CFAP92: variants seen among roughly 807,000 people sequenced by gnomAD.
The protein encoded by CFAP92 is cilia and flagella associated protein 92 (putative).
In CFAP92, 86 loss-of-function variants were observed where a neutral mutation model predicts 106.3. The observed-to-expected ratio is 0.81, with a 90% CI of 0.68 to 0.97. The LOEUF (loss-of-function observed/expected upper bound fraction) is 0.97. Ranked by LOEUF, CFAP92 falls within the 50% of genes least tolerant of loss-of-function variation. CFAP92 has a pLI of 0.00. For synonymous variants in CFAP92, 477 were observed against 506.4 expected (o/e 0.94, Z 0.78); for missense variants, 1,204 against 1,283.8 (o/e 0.94, Z 0.95).
intron 9 of CFAP92, among the ~76,000 whole-genome samples, chr3:128,950,817 T>C (rs1940707466): frequency 6.6e-6 from 1 of 152,118 alleles, no homozygotes; most frequent in South Asian, 2.1e-4. Flanking sequence ...GCCTAGCATG[T>C]ATGAAAATCT....
At chr3:128,948,171 G>A (rs1258790004) in intron 9 of CFAP92, among the ~76,000 whole-genome samples, 1 of 151,916 alleles carries the variant, frequency 6.6e-6, no homozygotes, top group Non-Finnish European at 1.5e-5. Flanking sequence ...TCCAGAATGT[G>A]TATGTAAACA....
Position 128,994,050 on chromosome 3 carries a change from C to G in CFAP92, c.-103G>C, listed in dbSNP as rs1944381604. 7.1e-6 allele frequency: 7 copies of G among 986,424 alleles called. No homozygotes were observed. The highest frequency in any genetic ancestry group is 8.4e-6 in the Non-Finnish European group (7 of 830,504). 61.1% of individuals were successfully genotyped at this position (986,424 alleles called of 1,614,324 possible). A position where few individuals can be genotyped will look rare whatever the true frequency, so the allele number is the denominator to read the frequency against. The stretch of plus-strand genomic sequence containing the variant: ...GGCAACTCCCGTACCGGATCCACAG[C>G]CACCTGGGCGAAGAGACTCCAAGAC... On this transcript the variant is annotated 5_prime_UTR_variant, in exon 1 of 16. Transcript: ENST00000645291.
the CFAP92 span, among the ~76,000 whole-genome samples, chr3:129,024,900 G>A: frequency 1.3e-5 from 2 of 152,158 alleles, no homozygotes; most frequent in South Asian, 4.1e-4. Context: ...TTTTGTTGGG[G>A]TGGGAGAACG....
chr3:129,001,506 G>T, intron 1 of CFAP92: 3 of 1,306,184 alleles, frequency 2.3e-6, no homozygotes, highest in Non-Finnish European at 2.9e-6. Context: ...GGTCCCCGGC[G>T]CCGCTCCAAC....
intron 7 of CFAP92, among the ~76,000 whole-genome samples, chr3:128,972,817 T>C (rs913655033): frequency 6.6e-5 from 10 of 151,100 alleles, no homozygotes; most frequent in Non-Finnish European, 1.3e-4. Context: ...ATCGCGCCAT[T>C]GTACTCCAGC....
chr3:128,960,982 T>C (rs1941861502), intron 9 of CFAP92, among the ~76,000 whole-genome samples: 2 of 152,196 alleles, frequency 1.3e-5, no homozygotes, highest in Non-Finnish European at 2.9e-5. Flanking sequence ...CTTCCTTCAC[T>C]ATGGGCAACC....
At chr3:128,930,486 C>T (rs115983209) in intron 12 of CFAP92, among the ~76,000 whole-genome samples, 2,783 of 150,282 alleles carry the variant, frequency 0.019, 88 homozygotes, top group African/African-American at 0.065. Context: ...CATGGCCAGG[C>T]GTGGTCACCT....
At chr3:128,915,730 T>C (rs62265271) in intron 13 of CFAP92, among the ~76,000 whole-genome samples, 167 bp from the exon 14 acceptor site, 4,426 of 152,316 alleles carry the variant, frequency 0.029, 111 homozygotes, top group South Asian at 0.11. Context: ...GACATATTAT[T>C]GTCCCCTTTG....
At chr3:129,017,236 G>A in the CFAP92 span, among the ~76,000 whole-genome samples, 1 of 152,224 alleles carries the variant, frequency 6.6e-6, no homozygotes, top group Non-Finnish European at 1.5e-5. Flanking sequence ...GATTGGCTCA[G>A]GCCAGTCAAG....
At chr3:129,015,976 G>T in the CFAP92 span, among the ~76,000 whole-genome samples, 9 of 152,192 alleles carry the variant, frequency 5.9e-5, no homozygotes, top group African/African-American at 1.9e-4. Context: ...GCTGGGTTCT[G>T]AGGGACCTGT....
chr3:128,968,355 T>G (rs995421585), intron 8 of CFAP92: 1 of 152,240 alleles, frequency 6.6e-6, no homozygotes, highest in African/African-American at 2.4e-5. Flanking sequence ...AAGGTATACA[T>G]ACATGATCTA....
At chr3:128,925,462 T>C (rs1937582907) in intron 12 of CFAP92, among the ~76,000 whole-genome samples, 1 of 152,086 alleles carries the variant, frequency 6.6e-6, no homozygotes, top group South Asian at 2.1e-4. Context: ...TGGGGACCCC[T>C]GCATCAGAAG....
the CFAP92 span, among the ~76,000 whole-genome samples, chr3:129,015,757 G>A: frequency 5.3e-5 from 8 of 150,656 alleles, no homozygotes; most frequent in South Asian, 2.1e-4. Context: ...TTTATTTTCC[G>A]CCCTTCCTCT....
intron 5 of CFAP92, 128 bp downstream of exon 5, chr3:128,977,917 C>A: frequency 1.7e-6 from 2 of 1,179,854 alleles, no homozygotes; most frequent in East Asian, 4.8e-5. Flanking sequence ...AGGGTGAGCC[C>A]CGCCCGCCTC....
rs1035892204 is a variant in CFAP92 at position 128,916,267 on chromosome 3, T to C, written c.2756A>G (p.Asn919Ser). Residue 919 changes from asparagine to serine, a missense_variant, in exon 13 of 16, where the codon AAT becomes AGT. By Grantham distance (46) the Asn-to-Ser change is conservative. Transcript: ENST00000645291. ...KDKKHSFIQK[N>S]ITEAYQVSKK... ...GCTGACCTGGTAGGCTTCTGTGATA[T>C]TTTTCTGAAGAAAGAGACACCAGTC... The C allele has an allele frequency of 2.4e-6, 3 of 1,231,948 alleles. No homozygotes were observed. Among genetic ancestry groups the C allele is most frequent in the African/African-American group, 3.1e-5 (2 of 64,370 alleles). 76.3% of individuals were successfully genotyped at this position (1,231,948 alleles called of 1,614,324 possible).
intron 15 of CFAP92, among the ~76,000 whole-genome samples, chr3:128,912,147 G>A (rs1013425071): frequency 2.0e-5 from 3 of 152,202 alleles, no homozygotes; most frequent in African/African-American, 7.2e-5. Context: ...AGCCCTGGGG[G>A]TAGCCCAGAC....
chr3:128,991,753 C>T (rs1476225141), intron 2 of CFAP92: 6 of 1,013,002 alleles, frequency 5.9e-6, no homozygotes, highest in South Asian at 3.7e-5. Flanking sequence ...TCTGTTGGTG[C>T]GCTCTCGGGG....
chr3:128,909,990 G>T lies in CFAP92; in HGVS notation c.*309C>A, dbSNP rs906843659. 6.2e-7 allele frequency: 1 copy of T among 1,611,156 alleles called. No individual in the cohort carries two copies. The highest frequency in any genetic ancestry group is 2.2e-5 in the East Asian group (1 of 44,818). On this transcript the variant is annotated 3_prime_UTR_variant, in exon 16 of 16. Transcript: ENST00000645291. Reference sequence around the variant, plus strand: ...CATGTGGGGGACTGGTCTAGGTAGTGAGTCCCCACTTGGAGCCTCTGTGAT... The same window carrying T: ...CATGTGGGGGACTGGTCTAGGTAGTTAGTCCCCACTTGGAGCCTCTGTGAT...
chr3:129,011,396 C>T, the CFAP92 span, among the ~76,000 whole-genome samples: 2 of 152,036 alleles, frequency 1.3e-5, no homozygotes, highest in Non-Finnish European at 2.9e-5. Context: ...ACTAAAAATA[C>T]AAAAATTAGC....
Sources: gnomAD v4.1 joint callset for allele counts (sites outside exome capture counted in the v4.1 genomes callset) on GRCh38, gnomAD v4.1.1 for gene constraint, MANE v1.5 for transcripts, NCBI Gene and HGNC (gene_info 2026-07-23, HGNC 2026-07-21) for gene names.